SNX29: variants seen among roughly 807,000 people sequenced by gnomAD.
SNX29 encodes sorting nexin 29.
In SNX29, 78 loss-of-function variants were observed where a neutral mutation model predicts 102.1. The ratio of observed to expected loss-of-function variants is 0.76; its 90% confidence interval spans 0.64 to 0.92. The LOEUF is 0.92. Among genes scored for constraint, SNX29 ranks in the 40% least tolerant of loss-of-function variants. The pLI is 0.00. For synonymous variants in SNX29, 580 were observed against 414.5 expected, an observed-to-expected ratio of 1.40 and a Z score of -4.85; for missense variants, 1,280 against 1,061.7, an observed-to-expected ratio of 1.21 and a Z score of -2.86.
At chr16:12,016,326 A>G (rs1201995178) in intron 3 of SNX29, among the ~76,000 whole-genome samples, 3 of 152,090 alleles carry the variant, frequency 2.0e-5, no homozygotes, top group African/African-American at 7.2e-5. Context: ...TGAGGATTTT[A>G]TATTTCTGGT....
intron 18 of SNX29, among the ~76,000 whole-genome samples, chr16:12,434,761 C>G (rs1447737742): frequency 6.6e-6 from 1 of 152,100 alleles, no homozygotes; most frequent in African/African-American, 2.4e-5. Flanking sequence ...GGCCTTTGCT[C>G]CAGTCCCATG....
At chr16:12,405,200 C>T (rs1189372591) in intron 18 of SNX29, among the ~76,000 whole-genome samples, 1 of 152,198 alleles carries the variant, frequency 6.6e-6, no homozygotes, top group African/African-American at 2.4e-5. Flanking sequence ...TATTTTAGAG[C>T]AAAATTAAAA....
intron 18 of SNX29, among the ~76,000 whole-genome samples, chr16:12,408,607 G>C (rs902280696): frequency 6.6e-6 from 1 of 152,222 alleles, no homozygotes; most frequent in Non-Finnish European, 1.5e-5. Context: ...GATCACCTGA[G>C]GTCAGGAGTT....
intron 16 of SNX29, among the ~76,000 whole-genome samples, chr16:12,385,447 G>A (rs558511222): frequency 1.3e-5 from 2 of 152,138 alleles, no homozygotes; most frequent in African/African-American, 2.4e-5. Flanking sequence ...ATTGTGTCCC[G>A]CAGGGCTCTA....
intron 14 of SNX29, among the ~76,000 whole-genome samples, chr16:12,237,732 C>A (rs949493642): frequency 6.6e-6 from 1 of 151,738 alleles, no homozygotes; most frequent in Admixed American, 6.6e-5. Context: ...CTTGGTGAAA[C>A]CCCCGTCTCT....
intron 15 of SNX29, among the ~76,000 whole-genome samples, chr16:12,307,995 G>A (rs964025781): frequency 5.3e-5 from 8 of 152,182 alleles, no homozygotes; most frequent in African/African-American, 1.7e-4. Flanking sequence ...TGCTGTGTTA[G>A]CCACTGAACC....
At chr16:12,421,132 T>C (rs2084856804) in intron 18 of SNX29, among the ~76,000 whole-genome samples, 1 of 152,292 alleles carries the variant, frequency 6.6e-6, no homozygotes, top group African/African-American at 2.4e-5. Context: ...TGGGAAATAA[T>C]AGAGCTGGGC....
At chr16:12,298,995 TTAAA>T (rs1567411985) in intron 15 of SNX29, among the ~76,000 whole-genome samples, 1 of 119,094 alleles carries the variant, frequency 8.4e-6, no homozygotes, top group Non-Finnish European at 1.6e-5. Context: ...CAATGAGTCT[TTAAA>T]AAAAAAAAAA....
At chr16:12,172,880 C>T (rs907562229) in intron 13 of SNX29, among the ~76,000 whole-genome samples, 5 of 152,080 alleles carry the variant, frequency 3.3e-5, no homozygotes, top group Admixed American at 6.5e-5. Context: ...CTTTGTGGGC[C>T]GTATGGTCTT....
intron 18 of SNX29, among the ~76,000 whole-genome samples, chr16:12,429,192 T>C (rs2151620255): frequency 6.6e-6 from 1 of 152,330 alleles, no homozygotes; most frequent in East Asian, 1.9e-4. Flanking sequence ...ACCACACAGA[T>C]ATGATTGCAA....
At chr16:12,451,383 G>A (rs1351838771) in intron 18 of SNX29, among the ~76,000 whole-genome samples, 1 of 152,234 alleles carries the variant, frequency 6.6e-6, no homozygotes, top group East Asian at 1.9e-4. Context: ...GGAGCTGGGA[G>A]TATTAGAGGC....
chr16:12,150,439 GCTC>G (rs1597049899), intron 13 of SNX29, among the ~76,000 whole-genome samples: 1 of 152,356 alleles, frequency 6.6e-6, no homozygotes, highest in Non-Finnish European at 1.5e-5. Flanking sequence ...TATTTGCCTA[GCTC>G]CTCAAGGTAC....
intron 19 of SNX29, among the ~76,000 whole-genome samples, chr16:12,502,057 G>A (rs1316555371): frequency 6.6e-6 from 1 of 152,202 alleles, no homozygotes; most frequent in Non-Finnish European, 1.5e-5. Context: ...AGTTCTTGGT[G>A]AGAACATGGG....
intron 16 of SNX29, chr16:12,373,682 G>A (rs1190619151): frequency 1.3e-5 from 2 of 152,184 alleles, no homozygotes; most frequent in Admixed American, 6.5e-5. Flanking sequence ...CTGATACAGA[G>A]TATAAAGCAT....
intron 19 of SNX29, among the ~76,000 whole-genome samples, chr16:12,490,650 G>C (rs1025404605): frequency 6.6e-6 from 1 of 152,194 alleles, no homozygotes; most frequent in Non-Finnish European, 1.5e-5. Flanking sequence ...CAGCCATACG[G>C]TGATGATTTT....
Position 12,573,725 on chromosome 16 carries a change from G to C in SNX29, c.*5096G>C. ...ACTGAGGACAGTAGCACACGGAATG[G>C]TGGATCGTACATTTGCACCCAGAGC... On this transcript the variant is annotated 3_prime_UTR_variant, in exon 21 of 21. Transcript: ENST00000566228. 1 of 223,790 alleles carries C rather than the reference G, an allele frequency of 4.5e-6. No individual in the cohort carries two copies. Among genetic ancestry groups the C allele is most frequent in the South Asian group, 1.8e-4 (1 of 5,422 alleles). The allele number at this position is 223,790 out of a possible 1,614,324, so 13.9% of individuals were successfully genotyped here. A position where few individuals can be genotyped will look rare whatever the true frequency, so the allele number is the denominator to read the frequency against.
chr16:12,119,173 C>G (rs181390241), intron 11 of SNX29, among the ~76,000 whole-genome samples: 1 of 152,164 alleles, frequency 6.6e-6, no homozygotes, highest in Non-Finnish European at 1.5e-5. Flanking sequence ...GCAGCCATGT[C>G]CCCGCATAGA....
At chr16:12,321,468 T>C (rs963065565) in intron 15 of SNX29, among the ~76,000 whole-genome samples, 1 of 152,156 alleles carries the variant, frequency 6.6e-6, no homozygotes, top group Non-Finnish European at 1.5e-5. Flanking sequence ...GTGACCTGTG[T>C]CAAGGGCATA....
At chr16:12,304,237 T>C (rs146247198) in intron 15 of SNX29, among the ~76,000 whole-genome samples, 6 of 152,186 alleles carry the variant, frequency 3.9e-5, no homozygotes, top group Admixed American at 1.3e-4. Context: ...AGCTCATCTT[T>C]AGCAAAAGTG....
Sources: gnomAD v4.1 joint callset for allele counts (sites outside exome capture counted in the v4.1 genomes callset) on GRCh38, gnomAD v4.1.1 for gene constraint, MANE v1.5 for transcripts, NCBI Gene and HGNC (gene_info 2026-07-23, HGNC 2026-07-21) for gene names.